Variants in DNAH9 observed in about 807,000 individuals in gnomAD.
The protein encoded by DNAH9 is dynein axonemal heavy chain 9.
DNAH9 carries 345 observed loss-of-function variants against 471.6 expected under a neutral mutation model. The observed-to-expected ratio is 0.73, with a 90% CI of 0.67 to 0.80. The LOEUF (loss-of-function observed/expected upper bound fraction) is 0.80. DNAH9 is among the 30% of genes least tolerant of loss of function. The pLI is 0.00. For synonymous variants in DNAH9, 2,093 were observed against 2,123.6 expected (o/e 0.99, Z 0.40); for missense variants, 5,407 against 5,609.2 (o/e 0.96, Z 1.15).
intron 26 of DNAH9, among the ~76,000 whole-genome samples, chr17:11,714,154 G>A (rs2074920012): frequency 6.6e-6 from 1 of 152,174 alleles, no homozygotes; most frequent in African/African-American, 2.4e-5. Context: ...TAGTGCAAAG[G>A]AAATTTCTAT....
intron 14 of DNAH9, among the ~76,000 whole-genome samples, chr17:11,663,779 A>G (rs975059614): frequency 1.3e-5 from 2 of 152,240 alleles, no homozygotes; most frequent in African/African-American, 4.8e-5. Context: ...AAGTGATTTA[A>G]TGTGGAAGCA....
chr17:11,820,361 C>G (rs1009092753), intron 45 of DNAH9, among the ~76,000 whole-genome samples: 1 of 151,760 alleles, frequency 6.6e-6, no homozygotes, highest in African/African-American at 2.4e-5. Context: ...CATATTGTCT[C>G]ATTAATACAG....
At chr17:11,904,201 A>G (rs1020983025) in intron 60 of DNAH9, among the ~76,000 whole-genome samples, 61 of 152,192 alleles carry the variant, frequency 4.0e-4, no homozygotes, top group African/African-American at 1.4e-3. Context: ...GATTGTCCAC[A>G]TGGATGTTGA....
chr17:11,851,516 TC>T (rs1971420551), intron 49 of DNAH9, among the ~76,000 whole-genome samples: 1 of 152,050 alleles, frequency 6.6e-6, no homozygotes, highest in Admixed American at 6.5e-5. Context: ...GCTTGGCAAG[TC>T]AATACACTGA....
Position 11,881,236 on chromosome 17 carries a change from TG to T in DNAH9, c.10630del (p.Glu3544AsnfsTer29). The T allele has an allele frequency of 6.2e-7, 1 of 1,614,164 alleles. No individual in the cohort carries two copies. The highest frequency in any genetic ancestry group is 8.5e-7 in the Non-Finnish European group (1 of 1,180,030). ...RFIKIGDKEC[E>X]YNPKFRLILH... ...TCATTAAAATTGGAGACAAAGAATG[TG>T]AATACAATCCCAAGTTCCGGCTCAT... On this transcript the variant is annotated frameshift_variant, in exon 55 of 69. Transcript: ENST00000262442. LOFTEE classifies it high-confidence loss of function.
intron 56 of DNAH9, among the ~76,000 whole-genome samples, chr17:11,885,749 A>G (rs1972859776): frequency 6.6e-6 from 1 of 152,188 alleles, no homozygotes; most frequent in Non-Finnish European, 1.5e-5. Flanking sequence ...TGAGATGCTA[A>G]TCCTTCTGGG....
intron 26 of DNAH9, 113 bp from the exon 27 acceptor site, chr17:11,719,221 G>A (rs547484183): frequency 9.4e-7 from 1 of 1,069,094 alleles, no homozygotes; most frequent in African/African-American, 1.6e-5. Context: ...AAAAGGGGCA[G>A]GGCTCTTGGC....
chr17:11,627,301 C>G (rs1047386662), intron 6 of DNAH9, among the ~76,000 whole-genome samples: 1 of 152,216 alleles, frequency 6.6e-6, no homozygotes, highest in African/African-American at 2.4e-5. Flanking sequence ...ACCTTCCTGT[C>G]ACCTCCCTAG....
Position 11,905,702 on chromosome 17 carries a change from G to C in DNAH9, c.11642G>C (p.Gly3881Ala), listed in dbSNP as rs763739411. 7 of 1,614,092 alleles carry C rather than the reference G, an allele frequency of 4.3e-6. No individual in the cohort carries two copies. Among genetic ancestry groups the C allele is most frequent in the Non-Finnish European group, 5.1e-6 (6 of 1,180,010 alleles). The change falls in exon 61 of 69, where the codon GGA becomes GCA. Residue 3881 changes from glycine (G) to alanine (A), a missense_variant. This residue lies in a region of DNAH9 where 4,636 missense variants were observed against 4,900.3 expected (regional missense o/e 0.95). Transcript: ENST00000262442. ...EEKLGSKYVVGRALDFATSFE... is the reference protein window; with the variant it reads ...EEKLGSKYVVARALDFATSFE... ...AAGTTAGGAAGCAAATACGTGGTGG[G>C]AAGAGCCCTAGATTTTGCAACCTCA...
intron 26 of DNAH9, among the ~76,000 whole-genome samples, chr17:11,712,087 T>A (rs2074869574): frequency 1.2e-4 from 1 of 8,440 alleles, no homozygotes; most frequent in Admixed American, 2.9e-3. Flanking sequence ...AATATATTTG[T>A]ATATATATTT....
chr17:11,834,858 C>A lies in DNAH9; in HGVS notation c.9467C>A (p.Ala3156Glu). The change falls in exon 49 of 69, where the codon GCA (alanine) becomes GAA (glutamate). Residue 3156 changes from alanine to glutamate, a missense_variant. Coordinates refer to ENST00000262442, the MANE Select transcript of DNAH9 (RefSeq NM_001372.4). ...GAGGACCTGGCAAAGGCTGAGCCAG[C>A]ACTCACAGCAGCGCAGGCAGCTCTC... is the stretch of plus-strand genomic sequence containing the variant. ...CEEDLAKAEP[A>E]LTAAQAALNT... 6.2e-7 allele frequency: 1 copy of A among 1,613,748 alleles called. No homozygotes were observed. Among genetic ancestry groups the A allele is most frequent in the Non-Finnish European group, 8.5e-7 (1 of 1,179,940 alleles).
intron 7 of DNAH9, among the ~76,000 whole-genome samples, chr17:11,629,858 T>G (rs1265686990): frequency 2.6e-5 from 4 of 152,182 alleles, no homozygotes; most frequent in Non-Finnish European, 1.5e-5. Context: ...TCAGAGATGC[T>G]GAGGTGGGTA....
chr17:11,603,661 C>A (rs896025649), intron 1 of DNAH9, among the ~76,000 whole-genome samples: 4 of 152,180 alleles, frequency 2.6e-5, no homozygotes, highest in African/African-American at 9.6e-5. Context: ...TCCTTTCATC[C>A]CACCAGCTGT....
intron 7 of DNAH9, among the ~76,000 whole-genome samples, chr17:11,629,887 G>A (rs761068988): frequency 6.6e-6 from 1 of 152,244 alleles, no homozygotes; most frequent in Non-Finnish European, 1.5e-5. Context: ...CAGTGGAGGC[G>A]GTGGCCACCC....
rs146918340 is a variant in DNAH9, at chr17:11,636,769, G to A, written c.1771G>A (p.Glu591Lys). Residue 591 changes from glutamate to lysine, a missense_variant, in exon 9 of 69, where the codon GAG becomes AAG. Coordinates refer to ENST00000262442, the MANE Select transcript of DNAH9 (RefSeq NM_001372.4). ...GATGATCTACAGTCAGCACGTCCAG[G>A]AGGAAGCAGAACTTGGTAGGCTTGT... ...VRMIYSQHVQEEAELGFSPVH... is the reference protein window; with the variant it reads ...VRMIYSQHVQKEAELGFSPVH... The A allele has an allele frequency of 3.6e-4, 579 of 1,613,974 alleles. No homozygotes were observed. Among genetic ancestry groups the A allele is most frequent in the East Asian group, 4.9e-4 (22 of 44,890 alleles).
At chr17:11,705,277 A>T in intron 26 of DNAH9, 92 bp downstream of exon 26, 1 of 1,137,468 alleles carries the variant, frequency 8.8e-7, no homozygotes, top group Non-Finnish European at 1.3e-6. Flanking sequence ...GTCACTTGCT[A>T]TTTGTCCATA....
intron 56 of DNAH9, chr17:11,884,536 T>C (rs1453095896): frequency 2.2e-6 from 1 of 455,964 alleles, no homozygotes; most frequent in Non-Finnish European, 4.4e-6. Flanking sequence ...TATTGCCAGA[T>C]TATTGGGATT....
At chr17:11,886,694 A>G in intron 56 of DNAH9, 131 bp from the exon 57 acceptor site, 1 of 1,155,942 alleles carries the variant, frequency 8.7e-7, no homozygotes, top group African/African-American at 1.6e-5. Context: ...TCAACTTTCT[A>G]CCCATCATCC....
chr17:11,754,598 CA>C (rs1363650347), intron 33 of DNAH9, among the ~76,000 whole-genome samples: 1 of 152,072 alleles, frequency 6.6e-6, no homozygotes, highest in Non-Finnish European at 1.5e-5. Flanking sequence ...GAGTTTTTTT[CA>C]TATGCTTTTT....
Sources: allele counts gnomAD v4.1 joint callset (sites outside exome capture counted in the v4.1 genomes callset), GRCh38; gene constraint gnomAD v4.1.1; regional missense constraint gnomAD v4.1.1; transcripts MANE v1.5; gene names NCBI Gene and HGNC (gene_info 2026-07-23, HGNC 2026-07-21).